Variants in KPNA3 observed in about 807,000 individuals in gnomAD.
KPNA3 encodes importin subunit alpha-4.
Under a neutral mutation model 73.8 loss-of-function variants are expected in KPNA3, and 13 were observed. The ratio of observed to expected loss-of-function variants is 0.18; its 90% confidence interval spans 0.11 to 0.28. The LOEUF (loss-of-function observed/expected upper bound fraction) is 0.28. Ranked by LOEUF, KPNA3 falls within the 10% of genes least tolerant of loss-of-function variation. The probability of loss-of-function intolerance (pLI) is 1.00; values close to 1 mark genes in which losing one functional copy is unlikely to be tolerated. For synonymous variants in KPNA3, 186 were observed against 206.9 expected, an observed-to-expected ratio of 0.90 and a Z score of 0.87; for missense variants, 360 against 618.1, an observed-to-expected ratio of 0.58 and a Z score of 4.43.
chr13:49,762,233 C>T (rs993411578), intron 1 of KPNA3, among the ~76,000 whole-genome samples: 1 of 150,140 alleles, frequency 6.7e-6, no homozygotes, highest in Non-Finnish European at 1.5e-5. Flanking sequence ...GCCGCCCCGT[C>T]GCGGAGGGAG....
At chr13:49,780,410 C>T (rs760967402) in intron 1 of KPNA3, among the ~76,000 whole-genome samples, 18 of 152,086 alleles carry the variant, frequency 1.2e-4, no homozygotes, top group Non-Finnish European at 2.6e-4. Flanking sequence ...AAGATTAGTC[C>T]TAATAACTTT....
At chr13:49,731,714 T>C (rs1025204974) in intron 6 of KPNA3, among the ~76,000 whole-genome samples, 4 of 152,182 alleles carry the variant, frequency 2.6e-5, no homozygotes, top group Non-Finnish European at 4.4e-5. Context: ...ACTTATATTC[T>C]CCCCAGTTAA....
At chr13:49,726,844 G>A (rs1445911651) in intron 6 of KPNA3, among the ~76,000 whole-genome samples, 2 of 152,086 alleles carry the variant, frequency 1.3e-5, no homozygotes, top group Non-Finnish European at 2.9e-5. Context: ...TTGGGATGCT[G>A]GGCGGGGGTG....
chr13:49,732,287 C>A, intron 6 of KPNA3, 84 bp downstream of exon 6: 4 of 585,512 alleles, frequency 6.8e-6, no homozygotes, highest in Admixed American at 3.0e-5. Flanking sequence ...AGTACAAAAC[C>A]AAACTGAACT....
At chr13:49,708,985 A>G (rs1954233811) in intron 12 of KPNA3, among the ~76,000 whole-genome samples, 1 of 152,218 alleles carries the variant, frequency 6.6e-6, no homozygotes, top group Non-Finnish European at 1.5e-5. Flanking sequence ...TTTTGTCTGC[A>G]CTTTCAAGCG....
chr13:49,705,799 G>C lies in KPNA3; in HGVS notation c.1210-16C>G. 6.4e-7 allele frequency: 1 copy of C among 1,557,226 alleles called. No individual in the cohort carries two copies. On this transcript the variant is annotated splice_polypyrimidine_tract_variant and intron_variant, in intron 14 of 16. Coordinates refer to ENST00000261667, the MANE Select transcript of KPNA3 (RefSeq NM_002267.4). ...GGTACTCAACCTAGACAACAAAAGA[G>C]AAGAAATATTTTTATTTATATAATT...
intron 1 of KPNA3, among the ~76,000 whole-genome samples, chr13:49,789,641 A>C (rs893204682): frequency 1.3e-5 from 2 of 152,218 alleles, no homozygotes; most frequent in Non-Finnish European, 2.9e-5. Context: ...TCAGTTACAG[A>C]GCTAAGTTGT....
intron 1 of KPNA3, among the ~76,000 whole-genome samples, chr13:49,781,489 C>T (rs1954940163): frequency 1.3e-5 from 2 of 150,860 alleles, no homozygotes; most frequent in Non-Finnish European, 1.5e-5. Flanking sequence ...CTTATAAACA[C>T]AGTGCCTTAC....
intron 1 of KPNA3, among the ~76,000 whole-genome samples, chr13:49,753,045 A>C (rs1003040027): frequency 6.8e-6 from 1 of 146,552 alleles, no homozygotes; most frequent in East Asian, 1.9e-4. Context: ...AAAAAAAAAA[A>C]AAAAAAAAGA....
chr13:49,716,681 A>G (rs9535306), intron 10 of KPNA3, among the ~76,000 whole-genome samples: 110,251 of 151,940 alleles, frequency 0.73, 41,335 homozygotes, highest in Non-Finnish European at 0.84. Context: ...CAAGTGATCC[A>G]CTGTCCTCAG....
At chr13:49,777,895 T>C (rs1954910438) in intron 1 of KPNA3, among the ~76,000 whole-genome samples, 1 of 152,154 alleles carries the variant, frequency 6.6e-6, no homozygotes, top group African/African-American at 2.4e-5. Flanking sequence ...TAATAACTTA[T>C]AAACATCTTT....
rs569712745 is a variant in KPNA3, at chr13:49,740,249, A to G, written c.114+6700T>C. Reference sequence around the variant, plus strand: ...GTGACAGAATGAGACCCCATCTCAGAAAAAAAAAAAAAAATTAACACATGC... The same window carrying G: ...GTGACAGAATGAGACCCCATCTCAGGAAAAAAAAAAAAAATTAACACATGC... On this transcript the variant is annotated intron_variant, in intron 2 of 16. Coordinates refer to ENST00000261667, the MANE Select transcript of KPNA3 (RefSeq NM_002267.4). Among the ~76,000 whole-genome samples the G allele has an allele frequency of 8.3e-5, 12 of 145,148 alleles. No homozygotes were observed. In the East Asian group the frequency reaches 1.6e-3, roughly 19 times the overall value.
At chr13:49,759,792 C>T (rs946016645) in intron 1 of KPNA3, among the ~76,000 whole-genome samples, 1 of 152,194 alleles carries the variant, frequency 6.6e-6, no homozygotes, top group East Asian at 1.9e-4. Flanking sequence ...CTGCCTACCT[C>T]CTACTGTGCA....
intron 1 of KPNA3, among the ~76,000 whole-genome samples, chr13:49,759,096 T>C (rs1954736819): frequency 6.6e-6 from 1 of 152,112 alleles, no homozygotes; most frequent in Non-Finnish European, 1.5e-5. Flanking sequence ...TTATCAATTA[T>C]CAATAAGACA....
Position 49,701,363 on chromosome 13 carries a change from G to A in KPNA3, c.*437C>T. ...AAATATGTTTGTGGAGGACAATGAT[G>A]GAGGCTCAGATCACACTGCACCTCT... On this transcript the variant is annotated 3_prime_UTR_variant, in exon 17 of 17. Coordinates refer to ENST00000261667, the MANE Select transcript of KPNA3 (RefSeq NM_002267.4). 1 of 300,084 alleles carries A rather than the reference G, an allele frequency of 3.3e-6. No individual in the cohort carries two copies. Among genetic ancestry groups the A allele is most frequent in the Non-Finnish European group, 7.1e-6 (1 of 140,858 alleles). The allele number at this position is 300,084 out of a possible 1,614,324, so 18.6% of individuals were successfully genotyped here.
At chr13:49,789,688 A>G (rs762301485) in intron 1 of KPNA3, among the ~76,000 whole-genome samples, 20 of 152,050 alleles carry the variant, frequency 1.3e-4, no homozygotes, top group Non-Finnish European at 2.6e-4. Flanking sequence ...ATGGTTATCT[A>G]CTCTTAGATA....
intron 1 of KPNA3, among the ~76,000 whole-genome samples, chr13:49,790,872 T>G (rs1955027374): frequency 1.3e-5 from 2 of 152,234 alleles, no homozygotes; most frequent in African/African-American, 4.8e-5. Flanking sequence ...TGAGTATTTT[T>G]CAATAAATTT....
intron 10 of KPNA3, among the ~76,000 whole-genome samples, chr13:49,716,513 A>G (rs1954305379): frequency 1.3e-5 from 2 of 151,720 alleles, no homozygotes; most frequent in Non-Finnish European, 2.9e-5. Flanking sequence ...ATCTCGGTTC[A>G]TTGCAACCTC....
chr13:49,764,876 C>T (rs981938594), intron 1 of KPNA3, among the ~76,000 whole-genome samples: 3 of 152,148 alleles, frequency 2.0e-5, no homozygotes, highest in Admixed American at 2.0e-4. Flanking sequence ...TAGTCCACTC[C>T]ATCCAAAATT....
Sources: allele counts gnomAD v4.1 joint callset (sites outside exome capture counted in the v4.1 genomes callset), GRCh38; gene constraint gnomAD v4.1.1; transcripts MANE v1.5; gene names NCBI Gene and HGNC (gene_info 2026-07-23, HGNC 2026-07-21).